Variants in PLEKHA7 observed in about 807,000 individuals in gnomAD.
PLEKHA7 encodes pleckstrin homology domain containing A7.
PLEKHA7 carries 104 observed loss-of-function variants against 170.0 expected under a neutral mutation model. The ratio of observed to expected loss-of-function variants is 0.61; its 90% confidence interval spans 0.52 to 0.72. The LOEUF (loss-of-function observed/expected upper bound fraction) is 0.72. PLEKHA7 is among the 30% of genes least tolerant of loss of function. The pLI is 0.00. For missense variants in PLEKHA7, 1,615 were observed against 1,671.7 expected (o/e 0.97, Z 0.59); for synonymous variants, 648 against 660.8 (o/e 0.98, Z 0.30).
intron 3 of PLEKHA7, among the ~76,000 whole-genome samples, chr11:16,961,032 A>G (rs1862028931): frequency 6.6e-6 from 1 of 152,206 alleles, no homozygotes; most frequent in African/African-American, 2.4e-5. Context: ...CACTCAAGGA[A>G]GGCCACTGCC....
In PLEKHA7 at chr11:16,973,411, C is replaced by T. The variant is rs190164267; in HGVS notation, c.221+40578G>A. Among the ~76,000 whole-genome samples, 13 of 152,298 alleles carry T rather than the reference C, an allele frequency of 8.5e-5. No individual in the cohort carries two copies. The East Asian group carries it at 2.1e-3, about 25-fold the overall frequency. On this transcript the variant is annotated intron_variant, in intron 3 of 26. Coordinates refer to ENST00000531066, the MANE Select transcript of PLEKHA7 (RefSeq NM_001329630.2). Reference sequence around the variant, plus strand: ...CCACCACACAGGGCTCCCAGATCGACCCCCTTCACACCACCATGCAACTGC... The same window carrying T: ...CCACCACACAGGGCTCCCAGATCGATCCCCTTCACACCACCATGCAACTGC...
intron 3 of PLEKHA7, among the ~76,000 whole-genome samples, chr11:16,914,460 T>A (rs1858490503): frequency 6.6e-6 from 1 of 152,176 alleles, no homozygotes; most frequent in Non-Finnish European, 1.5e-5. Flanking sequence ...AAAATGGCCC[T>A]GCGTACCCAC....
intron 4 of PLEKHA7, among the ~76,000 whole-genome samples, chr11:16,865,309 C>T (rs184662025): frequency 6.6e-6 from 1 of 152,334 alleles, no homozygotes; most frequent in East Asian, 1.9e-4. Flanking sequence ...TTTCACAAAC[C>T]TACTGGCTTG....
chr11:16,780,132 G>A (rs564824978), intron 26 of PLEKHA7, among the ~76,000 whole-genome samples: 1 of 152,208 alleles, frequency 6.6e-6, no homozygotes, highest in East Asian at 1.9e-4. Flanking sequence ...AGTGGGATGG[G>A]ATGTCAGGGT....
chr11:16,873,578 T>C (rs1484773457), intron 3 of PLEKHA7, among the ~76,000 whole-genome samples: 1 of 152,178 alleles, frequency 6.6e-6, no homozygotes, highest in East Asian at 1.9e-4. Flanking sequence ...GCATCTAAGA[T>C]AAGGACAAGA....
chr11:16,912,993 T>G (rs1858360302), intron 3 of PLEKHA7, among the ~76,000 whole-genome samples: 1 of 152,144 alleles, frequency 6.6e-6, no homozygotes, highest in South Asian at 2.1e-4. Flanking sequence ...AATAAAGCTG[T>G]CAGCTCTCAA....
At chr11:16,980,733 C>T (rs1476128679) in intron 3 of PLEKHA7, among the ~76,000 whole-genome samples, 1 of 151,878 alleles carries the variant, frequency 6.6e-6, no homozygotes, top group Non-Finnish European at 1.5e-5. Context: ...ACCAGCCTGG[C>T]CAACATGAAG....
At chr11:16,865,354 C>T (rs1374840259) in intron 4 of PLEKHA7, among the ~76,000 whole-genome samples, 1 of 152,202 alleles carries the variant, frequency 6.6e-6, no homozygotes. Context: ...GCTACAGAAC[C>T]CATTGACTGA....
chr11:16,783,402 G>A (rs772201230), intron 25 of PLEKHA7, among the ~76,000 whole-genome samples: 69 of 152,306 alleles, frequency 4.5e-4, no homozygotes, highest in East Asian at 9.7e-4. Flanking sequence ...TCCACTTCAC[G>A]GCCACGCTTG....
chr11:16,803,041 G>A lies in PLEKHA7; in HGVS notation c.2088C>T (p.Ser696=). ...GGACCCTGTCTTGTTCACAGAAGAT[G>A]CTCAGTTTGACCTAAAAGCAAGAAC... ...IAESDTDVKL[S]IFCEQDRVLQ... Residue 696 remains serine, a synonymous_variant, in exon 15 of 27, where the codon AGC becomes AGT. Coordinates refer to ENST00000531066, the MANE Select transcript of PLEKHA7 (RefSeq NM_001329630.2). 4 of 1,614,096 alleles carry A rather than the reference G, an allele frequency of 2.5e-6. No homozygotes were observed. The highest frequency in any genetic ancestry group is 3.4e-6 in the Non-Finnish European group (4 of 1,179,944).
chr11:16,899,198 A>G (rs1857172915), intron 3 of PLEKHA7, among the ~76,000 whole-genome samples: 2 of 152,184 alleles, frequency 1.3e-5, no homozygotes, highest in South Asian at 4.1e-4. Flanking sequence ...TTCAATATAG[A>G]CAAAACTTTT....
chr11:16,952,307 T>C (rs187299851), intron 3 of PLEKHA7, among the ~76,000 whole-genome samples: 1 of 152,276 alleles, frequency 6.6e-6, no homozygotes, highest in Admixed American at 6.5e-5. Flanking sequence ...GAGGTGATCC[T>C]ATCCACTGTT....
intron 3 of PLEKHA7, among the ~76,000 whole-genome samples, chr11:16,913,477 G>A: frequency 6.6e-6 from 1 of 152,172 alleles, no homozygotes; most frequent in East Asian, 1.9e-4. Context: ...TTTCCTCCAG[G>A]GTAACATAAG....
intron 4 of PLEKHA7, among the ~76,000 whole-genome samples, chr11:16,864,117 A>C (rs1590383381): frequency 6.6e-6 from 1 of 152,206 alleles, no homozygotes; most frequent in East Asian, 1.9e-4. Flanking sequence ...AATGAGAAGC[A>C]GTATAGCATA....
chr11:16,921,935 A>G (rs569885440), intron 3 of PLEKHA7, among the ~76,000 whole-genome samples: 19 of 152,226 alleles, frequency 1.2e-4, no homozygotes, highest in Non-Finnish European at 2.8e-4. Context: ...TCTTAGGACT[A>G]ATATTCCCTA....
intron 3 of PLEKHA7, among the ~76,000 whole-genome samples, chr11:16,918,809 C>T (rs1858879037): frequency 6.6e-6 from 1 of 152,162 alleles, no homozygotes; most frequent in South Asian, 2.1e-4. Context: ...TAGCTATATC[C>T]TAAGCATAAC....
intron 3 of PLEKHA7, among the ~76,000 whole-genome samples, chr11:16,897,973 G>T (rs1590530041): frequency 6.6e-6 from 1 of 152,028 alleles, no homozygotes; most frequent in Non-Finnish European, 1.5e-5. Context: ...CCACCAAAAG[G>T]CTTCCTTCCT....
At chr11:16,919,298 C>G (rs1348686731) in intron 3 of PLEKHA7, among the ~76,000 whole-genome samples, 1 of 152,176 alleles carries the variant, frequency 6.6e-6, no homozygotes, top group Non-Finnish European at 1.5e-5. Flanking sequence ...GAAAAGAAAA[C>G]TTGGGTTCTG....
At chr11:16,788,978 C>G (rs544038631) in intron 23 of PLEKHA7, 118 bp downstream of exon 23, 1 of 1,299,008 alleles carries the variant, frequency 7.7e-7, no homozygotes, top group Non-Finnish European at 1.1e-6. Flanking sequence ...GTTCTCTGAA[C>G]CATGTAGGTC....
Sources: allele counts gnomAD v4.1 joint callset (sites outside exome capture counted in the v4.1 genomes callset), GRCh38; gene constraint gnomAD v4.1.1; transcripts MANE v1.5; gene names NCBI Gene and HGNC (gene_info 2026-07-23, HGNC 2026-07-21).